Variants in TEX14 observed in about 807,000 individuals in gnomAD.
The protein encoded by TEX14 is inactive serine/threonine-protein kinase TEX14.
A neutral mutation model predicts 178.6 loss-of-function variants in TEX14; 168 were observed. That is an observed-to-expected ratio of 0.94 (90% CI 0.83 to 1.07). TEX14 has a LOEUF of 1.07. Among genes scored for constraint, TEX14 ranks in the 50% least tolerant of loss-of-function variants. The pLI, the probability that TEX14 is intolerant of heterozygous loss-of-function variation, is 0.00. For missense variants in TEX14, 1,730 were observed against 1,753.6 expected, an observed-to-expected ratio of 0.99 and a Z score of 0.24; for synonymous variants, 626 against 634.1, an observed-to-expected ratio of 0.99 and a Z score of 0.19.
At chr17:58,679,627 G>T (rs181482567) in intron 1 of TEX14, 12 of 152,174 alleles carry the variant, frequency 7.9e-5, no homozygotes, top group African/African-American at 2.9e-4. Flanking sequence ...CAATGCAAGA[G>T]ACAAACCTCA....
At chr17:58,678,204 T>C (rs1242596797) in intron 1 of TEX14, among the ~76,000 whole-genome samples, 1 of 152,112 alleles carries the variant, frequency 6.6e-6, no homozygotes, top group Non-Finnish European at 1.5e-5. Context: ...ATGAAAAGCT[T>C]ATCCAGATGG....
At chr17:58,636,696 C>T (rs66514313) in intron 2 of TEX14, among the ~76,000 whole-genome samples, 28,158 of 151,056 alleles carry the variant, frequency 0.19, 2,789 homozygotes, top group Non-Finnish European at 0.21. Flanking sequence ...GGGAGGCACC[C>T]GAGGTCAGGA....
chr17:58,688,757 A>AT (rs2047642859), intron 1 of TEX14, among the ~76,000 whole-genome samples: 1 of 151,982 alleles, frequency 6.6e-6, no homozygotes, highest in African/African-American at 2.4e-5. Context: ...TGTCTCTCAA[A>AT]TTTTTTCATG....
intron 1 of TEX14, among the ~76,000 whole-genome samples, chr17:58,688,176 A>G (rs1252584307): frequency 6.6e-6 from 1 of 152,140 alleles, no homozygotes; most frequent in Non-Finnish European, 1.5e-5. Context: ...GCTGGAGTAC[A>G]GTGTCATAAT....
rs185955518 is a variant in TEX14, at chr17:58,571,399, G to T, written c.3717+522C>A. 1.7e-3 allele frequency among the ~76,000 whole-genome samples: 260 copies of T among 151,688 alleles called. 1 individual carries two copies. The highest frequency in any genetic ancestry group is 5.9e-3 in the African/African-American group (243 of 41,340). The stretch of plus-strand genomic sequence containing the variant: ...TACAGGCACATGGCACCATGTCCCA[G>T]CTAATTTTCTGTATCTTTTGTAGAG... On this transcript the variant is annotated intron_variant, in intron 24 of 31. Coordinates refer to ENST00000349033, the MANE Select transcript of TEX14 (RefSeq NM_031272.5).
intron 7 of TEX14, among the ~76,000 whole-genome samples, 161 bp downstream of exon 7, chr17:58,616,014 A>G (rs2045863810): frequency 6.6e-6 from 1 of 152,222 alleles, no homozygotes; most frequent in African/African-American, 2.4e-5. Flanking sequence ...CATCTGGCCA[A>G]AAATGGTAAT....
At chr17:58,570,795 T>G (rs551748797) in intron 24 of TEX14, among the ~76,000 whole-genome samples, 4 of 151,828 alleles carry the variant, frequency 2.6e-5, no homozygotes, top group Non-Finnish European at 5.9e-5. Context: ...CCAGCCAAAT[T>G]TTTTTCTGTA....
intron 11 of TEX14, 149 bp from the exon 12 acceptor site, chr17:58,602,739 C>T: frequency 1.6e-6 from 1 of 622,694 alleles, no homozygotes; most frequent in Non-Finnish European, 2.7e-6. Context: ...AGAAACAATT[C>T]ATTTCCTTAT....
Position 58,579,746 on chromosome 17 carries a change from A to T in TEX14, c.3172-15T>A. On this transcript the variant is annotated splice_polypyrimidine_tract_variant and intron_variant, in intron 19 of 31. Transcript: ENST00000349033. ...GGACTCGAGGTCTAAAAAAGAACAA[A>T]AGAAAAGCAAAGAAAGGAGGTTCAC... 1 of 1,604,088 alleles carries T rather than the reference A, an allele frequency of 6.2e-7. No homozygotes were observed. Among genetic ancestry groups the T allele is most frequent in the Non-Finnish European group, 8.5e-7 (1 of 1,171,706 alleles).
chr17:58,599,743 A>T, intron 13 of TEX14, 77 bp from the exon 14 acceptor site: 2 of 1,172,254 alleles, frequency 1.7e-6, no homozygotes, highest in Non-Finnish European at 2.4e-6. Context: ...CTTGTTCAAG[A>T]GGCAAAGACT....
chr17:58,606,898 C>T (rs998553062), intron 10 of TEX14, among the ~76,000 whole-genome samples: 3 of 150,588 alleles, frequency 2.0e-5, no homozygotes, highest in South Asian at 2.1e-4. Flanking sequence ...CATGGTGGCA[C>T]GTGCCTGTAA....
At position 58,616,211 on chromosome 17, in the gene TEX14, A is replaced by C; in HGVS notation, c.731T>G (p.Phe244Cys). Reference sequence around the variant, plus strand: ...CATGTAGGGGCCGCTGAAGAAAGAGAAGGTGGGCTCATCATCAGCTTGAAT... The same window carrying C: ...CATGTAGGGGCCGCTGAAGAAAGAGCAGGTGGGCTCATCATCAGCTTGAAT... ...EVIQADDEPTFSFFSGPYMVM... is the reference protein window; with the variant it reads ...EVIQADDEPTCSFFSGPYMVM... Residue 244 changes from phenylalanine to cysteine, a missense_variant, in exon 7 of 32, where the codon TTC (phenylalanine) becomes TGC (cysteine). Phe to Cys is a radical substitution (Grantham distance 205). This residue lies in a region of TEX14 where 789 missense variants were observed against 681.2 expected (regional missense o/e 1.16). Coordinates refer to ENST00000349033, the MANE Select transcript of TEX14 (RefSeq NM_031272.5). The C allele has an allele frequency of 6.2e-7, 1 of 1,613,934 alleles. No individual in the cohort carries two copies. Among genetic ancestry groups the C allele is most frequent in the Non-Finnish European group, 8.5e-7 (1 of 1,179,928 alleles).
At chr17:58,614,500 C>CA (rs894290960) in intron 8 of TEX14, among the ~76,000 whole-genome samples, 15 of 151,472 alleles carry the variant, frequency 9.9e-5, no homozygotes, top group East Asian at 3.9e-4. Context: ...ACCCTCCCCG[C>CA]AAAAAAAATA....
chr17:58,566,881 G>C (rs1394082589), intron 26 of TEX14, among the ~76,000 whole-genome samples: 1 of 151,476 alleles, frequency 6.6e-6, no homozygotes, highest in African/African-American at 2.4e-5. Context: ...GAAATACTCA[G>C]CCTGGCCAGG....
chr17:58,644,871 G>A (rs1259250093), intron 2 of TEX14, among the ~76,000 whole-genome samples: 4 of 150,900 alleles, frequency 2.7e-5, no homozygotes, highest in Non-Finnish European at 5.9e-5. Flanking sequence ...GGCTGGTCTC[G>A]AACTCCTGAC....
At chr17:58,631,891 A>T (rs2046326400) in intron 2 of TEX14, 2 of 152,232 alleles carry the variant, frequency 1.3e-5, no homozygotes. Context: ...TATTATGCTG[A>T]TGGTGAGTAT....
intron 15 of TEX14, among the ~76,000 whole-genome samples, chr17:58,590,334 C>T (rs1175437637): frequency 6.6e-6 from 1 of 151,546 alleles, no homozygotes; most frequent in Non-Finnish European, 1.5e-5. Flanking sequence ...GAGCGAGACC[C>T]TGTCTTAAAA....
chr17:58,607,570 T>G (rs2045639685), intron 10 of TEX14, among the ~76,000 whole-genome samples: 1 of 152,196 alleles, frequency 6.6e-6, no homozygotes, highest in Non-Finnish European at 1.5e-5. Context: ...CACCCCTGGG[T>G]GCCTCAGTTT....
At chr17:58,609,474 C>T (rs1293819268) in intron 10 of TEX14, among the ~76,000 whole-genome samples, 1 of 152,158 alleles carries the variant, frequency 6.6e-6, no homozygotes, top group African/African-American at 2.4e-5. Context: ...AACTCCCAAC[C>T]TCAGGTGATC....
Sources: gnomAD v4.1 joint callset for allele counts (sites outside exome capture counted in the v4.1 genomes callset) on GRCh38, gnomAD v4.1.1 for gene constraint, gnomAD v4.1.1 regional missense constraint, MANE v1.5 for transcripts, NCBI Gene and HGNC (gene_info 2026-07-23, HGNC 2026-07-21) for gene names.